Variants in ITGB1 observed in about 807,000 individuals in gnomAD.
ITGB1 encodes the protein integrin subunit beta 1.
ITGB1 carries 24 observed loss-of-function variants against 86.5 expected under a neutral mutation model. The observed-to-expected ratio is 0.28, with a 90% confidence interval of 0.20 to 0.39. ITGB1 has a LOEUF of 0.39. ITGB1 is among the 10% of genes least tolerant of loss of function. ITGB1 has a pLI of 1.00. For missense variants in ITGB1, 556 were observed against 946.9 expected, an observed-to-expected ratio of 0.59 and a Z score of 5.42; for synonymous variants, 323 against 316.8, an observed-to-expected ratio of 1.02 and a Z score of -0.21.
At chr10:32,911,826 A>T in intron 12 of ITGB1, 60 bp downstream of exon 12, 1 of 1,495,142 alleles carries the variant, frequency 6.7e-7, no homozygotes, top group East Asian at 2.3e-5. Context: ...ACTAAACTCA[A>T]GATTTTTCGT....
At chr10:32,932,638 A>C (rs374392852) in intron 2 of ITGB1, 38 bp from the exon 3 acceptor site, 13 of 1,116,108 alleles carry the variant, frequency 1.2e-5, no homozygotes, top group Non-Finnish European at 1.6e-5. Flanking sequence ...TTTTATGTGA[A>C]GTGTCAGAGA....
chr10:32,906,280 A>G (rs529495212), intron 15 of ITGB1, among the ~76,000 whole-genome samples: 2 of 152,254 alleles, frequency 1.3e-5, no homozygotes, highest in African/African-American at 4.8e-5. Context: ...ATTTACTCAT[A>G]ACAAATTTGT....
chr10:32,932,436 G>T (rs914125853), intron 3 of ITGB1, 79 bp downstream of exon 3: 11 of 793,442 alleles, frequency 1.4e-5, no homozygotes, highest in Non-Finnish European at 2.2e-5. Flanking sequence ...AAATTAATAT[G>T]TGCTTCTGAA....
At chr10:32,922,604 G>T in intron 8 of ITGB1, 36 bp downstream of exon 8, 1 of 1,306,274 alleles carries the variant, frequency 7.7e-7, no homozygotes, top group Non-Finnish European at 1.1e-6. Flanking sequence ...AATCAAAAAT[G>T]TTTAGAATCT....
At chr10:32,940,963 G>C (rs1469302386) in intron 1 of ITGB1, among the ~76,000 whole-genome samples, 1 of 152,146 alleles carries the variant, frequency 6.6e-6, no homozygotes, top group Non-Finnish European at 1.5e-5. Flanking sequence ...CTGCTTCAGG[G>C]AACTTTCAGT....
chr10:32,937,861 T>C (rs2095007906), intron 1 of ITGB1, among the ~76,000 whole-genome samples: 2 of 152,246 alleles, frequency 1.3e-5, no homozygotes, highest in Admixed American at 6.5e-5. Flanking sequence ...AAAAGTTCAC[T>C]GAATTCCAAG....
intron 6 of ITGB1, among the ~76,000 whole-genome samples, chr10:32,924,564 C>T (rs1182330684): frequency 1.3e-5 from 2 of 152,126 alleles, no homozygotes; most frequent in Admixed American, 1.3e-4. Context: ...AGTGGATCAG[C>T]ATGACCAACA....
chr10:32,913,680 C>T (rs542857614), intron 11 of ITGB1, among the ~76,000 whole-genome samples: 17 of 152,316 alleles, frequency 1.1e-4, no homozygotes, highest in African/African-American at 3.6e-4. Context: ...AAGACCAAAT[C>T]GATGTCTGAT....
intron 1 of ITGB1, chr10:32,955,473 A>C (rs2137273589): frequency 6.6e-6 from 1 of 152,376 alleles, no homozygotes; most frequent in East Asian, 1.9e-4. Context: ...TCACACTAGC[A>C]GCATAGTTAA....
chr10:32,908,703 A>G (rs2094904176), intron 14 of ITGB1, among the ~76,000 whole-genome samples, 169 bp from the exon 15 acceptor site: 1 of 152,218 alleles, frequency 6.6e-6, no homozygotes, highest in African/African-American at 2.4e-5. Flanking sequence ...ATACATGATC[A>G]ATGAACAAAA....
intron 9 of ITGB1, among the ~76,000 whole-genome samples, 184 bp downstream of exon 9, chr10:32,922,073 C>A (rs1032276770): frequency 6.6e-6 from 1 of 152,006 alleles, no homozygotes; most frequent in Non-Finnish European, 1.5e-5. Context: ...TTTGTTTAGG[C>A]CATGAATCTT....
intron 15 of ITGB1, among the ~76,000 whole-genome samples, chr10:32,903,469 C>G (rs796827628): frequency 1.1e-4 from 17 of 151,788 alleles, no homozygotes; most frequent in African/African-American, 4.1e-4. Context: ...GAAACTTCAT[C>G]CTGTAGGTAT....
At chr10:32,952,422 C>T (rs1288255217) in intron 1 of ITGB1, among the ~76,000 whole-genome samples, 1 of 149,390 alleles carries the variant, frequency 6.7e-6, no homozygotes, top group Non-Finnish European at 1.5e-5. Context: ...ATTATACTAC[C>T]AAATGTGCTT....
chr10:32,910,087 G>T, intron 14 of ITGB1, 136 bp downstream of exon 14: 1 of 631,158 alleles, frequency 1.6e-6, no homozygotes, highest in Non-Finnish European at 2.8e-6. Context: ...AATATTTTAA[G>T]CTTTGAGAGA....
intron 1 of ITGB1, among the ~76,000 whole-genome samples, chr10:32,954,024 G>A (rs1037371117): frequency 1.3e-5 from 2 of 151,924 alleles, no homozygotes; most frequent in Non-Finnish European, 2.9e-5. Flanking sequence ...GTGTTCCCAG[G>A]TCCTCCTTCA....
chr10:32,916,112 C>T (rs901248799), intron 11 of ITGB1, among the ~76,000 whole-genome samples: 9 of 152,078 alleles, frequency 5.9e-5, no homozygotes, highest in African/African-American at 2.2e-4. Flanking sequence ...ATTCAACAGC[C>T]CTTCATGCTA....
At chr10:32,921,740 T>C (rs1425986134) in intron 9 of ITGB1, among the ~76,000 whole-genome samples, 1 of 152,146 alleles carries the variant, frequency 6.6e-6, no homozygotes, top group Non-Finnish European at 1.5e-5. Flanking sequence ...CTTTTTGAAA[T>C]AGGCAAATCA....
intron 1 of ITGB1, among the ~76,000 whole-genome samples, chr10:32,940,753 T>C (rs950029071): frequency 4.6e-5 from 7 of 152,248 alleles, no homozygotes; most frequent in Non-Finnish European, 1.0e-4. Context: ...CACAAATTTT[T>C]TGACTCACTA....
chr10:32,939,908 C>T (rs1446433527), intron 1 of ITGB1, among the ~76,000 whole-genome samples: 3 of 152,234 alleles, frequency 2.0e-5, no homozygotes, highest in African/African-American at 7.2e-5. Flanking sequence ...TCATCAATGT[C>T]ACTGTCTTGC....
Sources: allele counts gnomAD v4.1 joint callset (sites outside exome capture counted in the v4.1 genomes callset), GRCh38; gene constraint gnomAD v4.1.1; transcripts MANE v1.5; gene names NCBI Gene and HGNC (gene_info 2026-07-23, HGNC 2026-07-21).